The following KCNT1 variants were observed in gnomAD, a reference collection of about 807,000 sequenced individuals.
KCNT1 encodes the protein potassium channel subfamily T member 1.
KCNT1 carries 78 observed loss-of-function variants against 147.8 expected under a neutral mutation model. That is an observed-to-expected ratio of 0.53 (90% CI 0.44 to 0.64). The LOEUF (loss-of-function observed/expected upper bound fraction) is 0.64. Among genes scored for constraint, KCNT1 ranks in the 30% least tolerant of loss-of-function variants. The probability of loss-of-function intolerance (pLI) is 0.00; values close to 1 mark genes in which losing one functional copy is unlikely to be tolerated. For missense variants in KCNT1, 1,419 were observed against 1,750.3 expected (o/e 0.81, Z 3.38); for synonymous variants, 867 against 748.8 (o/e 1.16, Z -2.58).
At chr9:135,755,382 G>A (rs1000224165) in intron 6 of KCNT1, among the ~76,000 whole-genome samples, 1 of 150,490 alleles carries the variant, frequency 6.6e-6, no homozygotes, top group South Asian at 2.1e-4. Flanking sequence ...AAATGCTGAG[G>A]ACAAACCCAG....
chr9:135,755,306 C>T (rs1831411673), intron 6 of KCNT1, 137 bp downstream of exon 6: 1 of 637,204 alleles, frequency 1.6e-6, no homozygotes, highest in South Asian at 2.6e-5. Flanking sequence ...ATGCTAAGAA[C>T]AAACCCAGGC....
rs542768112 is a variant in KCNT1 at position 135,738,889 on chromosome 9, A to G, written c.255-11209A>G. 3.9e-5 allele frequency among the ~76,000 whole-genome samples: 6 copies of G among 152,270 alleles called. No individual in the cohort carries two copies. The East Asian group carries it at 1.2e-3, about 29-fold the overall frequency. On this transcript the variant is annotated intron_variant, in intron 2 of 30. Coordinates refer to ENST00000371757, the MANE Select transcript of KCNT1 (RefSeq NM_020822.3). ...GGAGCTGATTAGACAGCGTGGCTTCAGTGGTGGGGTCAGGAGACCATCACT... is the reference window on the plus strand; with the variant it reads ...GGAGCTGATTAGACAGCGTGGCTTCGGTGGTGGGGTCAGGAGACCATCACT...
At chr9:135,721,106 A>T (rs969306620) in intron 2 of KCNT1, among the ~76,000 whole-genome samples, 1 of 151,962 alleles carries the variant, frequency 6.6e-6, no homozygotes, top group African/African-American at 2.4e-5. Flanking sequence ...CCTGGAGCTG[A>T]GTTTGGGAAG....
At chr9:135,756,413 G>A (rs1831482904) in intron 6 of KCNT1, among the ~76,000 whole-genome samples, 1 of 152,150 alleles carries the variant, frequency 6.6e-6, no homozygotes, top group Non-Finnish European at 1.5e-5. Context: ...TCATGACTGG[G>A]TCCCATGTCT....
rs571676396 is a variant in KCNT1, at chr9:135,794,953, A to G, written c.*2792A>G. The stretch of plus-strand genomic sequence containing the variant: ...CCCTGCAAAGTACACCAAGTGAAGT[A>G]GGATCTGAGCAAAGGTTGAGGGACT... On this transcript the variant is annotated 3_prime_UTR_variant, in exon 31 of 31. Transcript: ENST00000371757. 2 of 152,314 alleles carry G rather than the reference A, an allele frequency of 1.3e-5. No individual in the cohort carries two copies. The highest frequency in any genetic ancestry group is 3.9e-4 in the East Asian group (2 of 5,178). The allele number at this position is 152,314 out of a possible 1,614,324, so 9.4% of individuals were successfully genotyped here.
intron 2 of KCNT1, among the ~76,000 whole-genome samples, chr9:135,732,593 T>TGAGATGA (rs781701944): frequency 4.6e-5 from 7 of 152,176 alleles, no homozygotes; most frequent in Non-Finnish European, 1.0e-4. Flanking sequence ...CACTGGCTGC[T>TGAGATGA]GAGATGAACA....
rs959634024 is a variant in KCNT1 at position 135,747,453 on chromosome 9, C to T, written c.255-2645C>T. Reference sequence around the variant, plus strand: ...CTTGGGAGACCCTGGGCTCAGCCCCCGGGGGCAGCTCCCGCCTCAGCCCTG... The same window carrying T: ...CTTGGGAGACCCTGGGCTCAGCCCCTGGGGGCAGCTCCCGCCTCAGCCCTG... On this transcript the variant is annotated intron_variant, in intron 2 of 30. Coordinates refer to ENST00000371757, the MANE Select transcript of KCNT1 (RefSeq NM_020822.3). 4.6e-5 allele frequency among the ~76,000 whole-genome samples: 7 copies of T among 152,002 alleles called. No homozygotes were observed. In the East Asian group the frequency reaches 5.8e-4, roughly 13 times the overall value.
Position 135,730,261 on chromosome 9 carries a change from TG to T in KCNT1, c.254+15543del, listed in dbSNP as rs1244577396. 6.6e-6 allele frequency among the ~76,000 whole-genome samples: 1 copy of T among 152,170 alleles called. No individual in the cohort carries two copies. Among genetic ancestry groups the T allele is most frequent in the Non-Finnish European group, 1.5e-5 (1 of 68,038 alleles). On this transcript the variant is annotated intron_variant, in intron 2 of 30. Coordinates refer to ENST00000371757, the MANE Select transcript of KCNT1 (RefSeq NM_020822.3). The surrounding 1 kb of genome is among the most constrained non-coding windows in gnomAD (Gnocchi z 4.7). ...CTTCGGAGCATCAGGTGTGGACCCA[TG>T]GAGTTCCGTGGACCTGCCGTGTGTG...
chr9:135,772,138 G>A (rs1052776545), intron 18 of KCNT1, among the ~76,000 whole-genome samples: 2 of 152,196 alleles, frequency 1.3e-5, no homozygotes, highest in Non-Finnish European at 2.9e-5. Context: ...GGCTGCTGCT[G>A]CCTAGCCACA....
chr9:135,731,279 C>T (rs1465223181), intron 2 of KCNT1, among the ~76,000 whole-genome samples: 3 of 152,178 alleles, frequency 2.0e-5, no homozygotes, highest in Admixed American at 6.5e-5. Context: ...TTCAGCGCGG[C>T]TCGCGTTAGA....
chr9:135,775,817 G>A (rs1481400834), intron 20 of KCNT1, among the ~76,000 whole-genome samples: 3 of 152,196 alleles, frequency 2.0e-5, no homozygotes, highest in East Asian at 1.9e-4. Flanking sequence ...AGATTGGGCC[G>A]AGGGCCCCGA....
intron 29 of KCNT1, chr9:135,791,413 G>T: frequency 4.1e-6 from 1 of 242,346 alleles, no homozygotes; most frequent in Non-Finnish European, 8.1e-6. Flanking sequence ...ATGAAGGCAT[G>T]CATGCATGTG....
chr9:135,709,773 TG>T (rs1835414585), intron 1 of KCNT1, among the ~76,000 whole-genome samples: 1 of 151,304 alleles, frequency 6.6e-6, no homozygotes, highest in African/African-American at 2.4e-5. Flanking sequence ...CTCCGCCTCC[TG>T]GGTTCCAACA....
intron 1 of KCNT1, among the ~76,000 whole-genome samples, chr9:135,712,358 G>C (rs982195367): frequency 6.6e-6 from 1 of 152,234 alleles, no homozygotes; most frequent in Non-Finnish European, 1.5e-5. Context: ...AAAATAAAAA[G>C]ATCATGGATG....
intron 2 of KCNT1, among the ~76,000 whole-genome samples, chr9:135,727,393 C>T (rs1247570517): frequency 7.6e-6 from 1 of 131,978 alleles, no homozygotes; most frequent in Non-Finnish European, 1.7e-5. Flanking sequence ...CTCTCCCTCT[C>T]TCTCCCACTC....
intron 2 of KCNT1, among the ~76,000 whole-genome samples, chr9:135,747,107 AC>A (rs1381828227): frequency 6.6e-6 from 1 of 152,006 alleles, no homozygotes; most frequent in East Asian, 1.9e-4. Flanking sequence ...GGAGAGAGGC[AC>A]CTGTGGCAAG....
chr9:135,710,335 C>T (rs1835435153), intron 1 of KCNT1, among the ~76,000 whole-genome samples: 1 of 152,150 alleles, frequency 6.6e-6, no homozygotes, highest in Non-Finnish European at 1.5e-5. Flanking sequence ...GAGCCAGGTA[C>T]TGGGTTCAAG....
At chr9:135,786,604 G>T in intron 29 of KCNT1, 83 bp downstream of exon 29, 1 of 1,318,690 alleles carries the variant, frequency 7.6e-7, no homozygotes, top group South Asian at 1.5e-5. Context: ...CGGCCACGGC[G>T]TCCCGGGGCC....
At chr9:135,750,810 T>G in intron 3 of KCNT1, 132 bp from the exon 4 acceptor site, 1 of 765,292 alleles carries the variant, frequency 1.3e-6, no homozygotes, top group Non-Finnish European at 2.2e-6. Context: ...CACAGAGCTC[T>G]GCGTGCAGCC....
Sources: gnomAD v4.1 joint callset for allele counts (sites outside exome capture counted in the v4.1 genomes callset) on GRCh38, gnomAD v4.1.1 for gene constraint, Gnocchi (gnomAD v3.1) non-coding constraint, MANE v1.5 for transcripts, NCBI Gene and HGNC (gene_info 2026-07-23, HGNC 2026-07-21) for gene names.